The following OSBPL8 variants were observed in gnomAD, a reference collection of about 807,000 sequenced individuals.
OSBPL8 encodes the protein oxysterol binding protein like 8, also known as oxysterol-binding protein-related protein 8.
In OSBPL8, 59 loss-of-function variants were observed where a neutral mutation model predicts 125.5. That is an observed-to-expected ratio of 0.47 (90% confidence interval 0.38 to 0.58). The LOEUF (loss-of-function observed/expected upper bound fraction) is 0.58, where lower values mean the gene tolerates loss of function less well. OSBPL8 is among the 20% of genes least tolerant of loss of function. OSBPL8 has a pLI of 0.00. For synonymous variants in OSBPL8, 330 were observed against 338.9 expected, an observed-to-expected ratio of 0.97 and a Z score of 0.29; for missense variants, 758 against 1,047.8, an observed-to-expected ratio of 0.72 and a Z score of 3.82.
intron 5 of OSBPL8, among the ~76,000 whole-genome samples, chr12:76,408,648 G>A (rs897898763): frequency 3.3e-5 from 5 of 152,072 alleles, no homozygotes; most frequent in African/African-American, 1.2e-4. Context: ...CTAGCCATAT[G>A]TGGTTACTGG....
chr12:76,519,394 C>A (rs911980751), intron 1 of OSBPL8, among the ~76,000 whole-genome samples: 1 of 152,154 alleles, frequency 6.6e-6, no homozygotes, highest in African/African-American at 2.4e-5. Context: ...GTATTTTGGT[C>A]ACAACCGTTT....
chr12:76,439,328 A>G (rs1158506548), intron 4 of OSBPL8, among the ~76,000 whole-genome samples: 1 of 152,024 alleles, frequency 6.6e-6, no homozygotes, highest in Non-Finnish European at 1.5e-5. Context: ...GCAGTGACCC[A>G]AGATCATGCC....
In OSBPL8 at chr12:76,390,662, A is replaced by C. The variant is rs1398508927; in HGVS notation, c.930-5T>G. The C allele has an allele frequency of 6.4e-7, 1 of 1,570,272 alleles. No homozygotes were observed. The highest frequency in any genetic ancestry group is 2.2e-5 in the East Asian group (1 of 44,630). The stretch of plus-strand genomic sequence containing the variant: ...TCAATTTCACTATCATTTAACCTTA[A>C]GGGAAAGAATTTTTAGGAGGAAGAA... On this transcript the variant is annotated splice_polypyrimidine_tract_variant and splice_region_variant and intron_variant, in intron 10 of 23. Transcript: ENST00000261183.
intron 3 of OSBPL8, among the ~76,000 whole-genome samples, chr12:76,455,079 CA>C (rs558685645): frequency 1.9e-3 from 251 of 135,424 alleles, no homozygotes; most frequent in Middle Eastern, 3.8e-3. Context: ...CTAAAAAATA[CA>C]AAAAAAAAAA....
chr12:76,399,090 G>A lies in OSBPL8; in HGVS notation c.468+783C>T, dbSNP rs1953941682. On this transcript the variant is annotated intron_variant, in intron 7 of 23. Coordinates refer to ENST00000261183, the MANE Select transcript of OSBPL8 (RefSeq NM_020841.5). Reference sequence around the variant, plus strand: ...AAGTTGGAAGGTGTTATTAGCACAAGATCGAAAACCCTAGAATTAGTTAAC... The same window carrying A: ...AAGTTGGAAGGTGTTATTAGCACAAAATCGAAAACCCTAGAATTAGTTAAC... Among the ~76,000 whole-genome samples, 4 of 152,326 alleles carry A rather than the reference G, an allele frequency of 2.6e-5. No individual in the cohort carries two copies. In the South Asian group the frequency reaches 8.3e-4, roughly 32 times the overall value.
At chr12:76,406,900 A>T (rs1406005448) in intron 5 of OSBPL8, among the ~76,000 whole-genome samples, 2 of 152,148 alleles carry the variant, frequency 1.3e-5, no homozygotes, top group Non-Finnish European at 2.9e-5. Flanking sequence ...AGCATAAGCC[A>T]CTGTGCCCAG....
intron 4 of OSBPL8, among the ~76,000 whole-genome samples, chr12:76,449,757 A>G (rs574353915): frequency 2.0e-5 from 3 of 152,332 alleles, no homozygotes; most frequent in Admixed American, 1.3e-4. Flanking sequence ...TAATTCAGTG[A>G]GCAAATATTT....
At chr12:76,420,654 A>G (rs926738225) in intron 4 of OSBPL8, among the ~76,000 whole-genome samples, 2 of 152,112 alleles carry the variant, frequency 1.3e-5, no homozygotes, top group African/African-American at 4.8e-5. Flanking sequence ...TCACTAATGA[A>G]GAACAAATCT....
At position 76,416,784 on chromosome 12, in the gene OSBPL8, T is replaced by A. The variant is rs531246138; in HGVS notation, c.218-6150A>T. ...ATCTTTAGATCATTAGTACTCAATA[T>A]AATTGCTGACTTACCTAGATTTATA... On this transcript the variant is annotated intron_variant, in intron 4 of 23. Coordinates refer to ENST00000261183, the MANE Select transcript of OSBPL8 (RefSeq NM_020841.5). 2.6e-5 allele frequency among the ~76,000 whole-genome samples: 4 copies of A among 152,224 alleles called. No homozygotes were observed. In the South Asian group the frequency reaches 6.2e-4, roughly 24 times the overall value.
chr12:76,555,938 C>T (rs1484555435), intron 1 of OSBPL8, among the ~76,000 whole-genome samples: 1 of 152,170 alleles, frequency 6.6e-6, no homozygotes, highest in Non-Finnish European at 1.5e-5. Flanking sequence ...GACTTAAATG[C>T]TTTGCTGCAC....
chr12:76,363,328 C>T (rs780406618), intron 21 of OSBPL8, among the ~76,000 whole-genome samples: 6 of 152,070 alleles, frequency 3.9e-5, no homozygotes, highest in Non-Finnish European at 7.4e-5. Flanking sequence ...ACCGATGGAA[C>T]AGAACAGAGG....
chr12:76,534,916 A>C (rs1950448579), intron 1 of OSBPL8, among the ~76,000 whole-genome samples: 1 of 152,206 alleles, frequency 6.6e-6, no homozygotes, highest in Non-Finnish European at 1.5e-5. Context: ...AAATACTTTC[A>C]GTAAAAACTG....
At chr12:76,386,937 A>G (rs531938875) in intron 12 of OSBPL8, among the ~76,000 whole-genome samples, 9 of 152,156 alleles carry the variant, frequency 5.9e-5, no homozygotes, top group Admixed American at 5.9e-4. Context: ...AGGTTTCTGA[A>G]TTGGTATTCT....
intron 5 of OSBPL8, among the ~76,000 whole-genome samples, chr12:76,408,787 C>T (rs1359029060): frequency 6.6e-6 from 1 of 152,042 alleles, no homozygotes; most frequent in African/African-American, 2.4e-5. Context: ...CTTGTGGGTT[C>T]CTCCCCGCCC....
Position 76,354,398 on chromosome 12 carries a change from A to G in OSBPL8, c.*1491T>C, listed in dbSNP as rs1951915629. On this transcript the variant is annotated 3_prime_UTR_variant, in exon 24 of 24. Coordinates refer to ENST00000261183, the MANE Select transcript of OSBPL8 (RefSeq NM_020841.5). The stretch of plus-strand genomic sequence containing the variant: ...TCTTTTTATCATTTTGATTCTCATA[A>G]TTTACCAATCAATGTATTTATTTAC... 1 of 151,936 alleles carries G rather than the reference A, an allele frequency of 6.6e-6. No homozygotes were observed. Among genetic ancestry groups the G allele is most frequent in the East Asian group, 1.9e-4 (1 of 5,192 alleles). 9.4% of individuals were successfully genotyped at this position (151,936 alleles called of 1,614,324 possible). A position where few individuals can be genotyped will look rare whatever the true frequency, so the allele number is the denominator to read the frequency against.
At chr12:76,549,712 G>C (rs1950882550) in intron 1 of OSBPL8, among the ~76,000 whole-genome samples, 1 of 152,156 alleles carries the variant, frequency 6.6e-6, no homozygotes, top group Non-Finnish European at 1.5e-5. Context: ...AGCATCCCTA[G>C]ATGCTAGAAG....
At chr12:76,450,823 A>G (rs759675940) in intron 4 of OSBPL8, 28 bp downstream of exon 4, 2 of 1,573,226 alleles carry the variant, frequency 1.3e-6, no homozygotes, top group South Asian at 1.2e-5. Context: ...CAAAAACAAG[A>G]CAAAACATGA....
At chr12:76,463,109 C>G (rs1874948849) in intron 2 of OSBPL8, among the ~76,000 whole-genome samples, 1 of 152,092 alleles carries the variant, frequency 6.6e-6, no homozygotes, top group Non-Finnish European at 1.5e-5. Context: ...TGATAACAGA[C>G]TAGAGAGACA....
chr12:76,439,395 A>G (rs1871901820), intron 4 of OSBPL8, among the ~76,000 whole-genome samples: 1 of 152,072 alleles, frequency 6.6e-6, no homozygotes, highest in Non-Finnish European at 1.5e-5. Flanking sequence ...AAAAAAAGAT[A>G]TACAGCACAC....
Sources: gnomAD v4.1 joint callset for allele counts (sites outside exome capture counted in the v4.1 genomes callset) on GRCh38, gnomAD v4.1.1 for gene constraint, MANE v1.5 for transcripts, NCBI Gene and HGNC (gene_info 2026-07-23, HGNC 2026-07-21) for gene names.